The following SNTB2 variants were observed in gnomAD, a reference collection of about 807,000 sequenced individuals.
The protein encoded by SNTB2 is syntrophin beta 2.
Under a neutral mutation model 46.2 loss-of-function variants are expected in SNTB2, and 34 were observed. The ratio of observed to expected loss-of-function variants is 0.74; its 90% CI spans 0.56 to 0.98. The LOEUF is 0.98. Ranked by LOEUF, SNTB2 falls within the 50% of genes least tolerant of loss-of-function variation. The probability of loss-of-function intolerance (pLI) is 0.00; values close to 1 mark genes in which losing one functional copy is unlikely to be tolerated. For synonymous variants in SNTB2, 290 were observed against 312.6 expected, an observed-to-expected ratio of 0.93 and a Z score of 0.76; for missense variants, 603 against 731.4, an observed-to-expected ratio of 0.82 and a Z score of 2.02.
intron 3 of SNTB2, among the ~76,000 whole-genome samples, chr16:69,261,738 A>C (rs1324471845): frequency 1.3e-5 from 2 of 152,208 alleles, no homozygotes; most frequent in African/African-American, 4.8e-5. Flanking sequence ...CAAAATCCTC[A>C]TGATTTTAAA....
chr16:69,221,986 C>G (rs1964409950), intron 1 of SNTB2, among the ~76,000 whole-genome samples: 1 of 152,162 alleles, frequency 6.6e-6, no homozygotes, highest in African/African-American at 2.4e-5. Flanking sequence ...AAGCTTGAGT[C>G]TTTGTTGACA....
intron 2 of SNTB2, among the ~76,000 whole-genome samples, chr16:69,259,328 G>T (rs1597190037): frequency 7.1e-6 from 1 of 141,760 alleles, no homozygotes. Flanking sequence ...CACCTCCCTG[G>T]TTCAGGCAGT....
intron 1 of SNTB2, among the ~76,000 whole-genome samples, chr16:69,203,936 A>C (rs1159969954): frequency 6.6e-6 from 1 of 151,904 alleles, no homozygotes; most frequent in Non-Finnish European, 1.5e-5. Flanking sequence ...TCTGTCGCCC[A>C]GGCTGGAGCG....
Position 69,284,132 on chromosome 16 carries a change from C to T in SNTB2, c.1233C>T (p.Gly411=). ...CTACCAGGACAGGCTCTCGACAGGG[C>T]ATTGAGATGCATCTCTTCAGGGTGG... ...TFATRTGSRQ[G]IEMHLFRVET... is the part of the protein sequence containing the mutation. The change falls in exon 5 of 7, where the codon GGC becomes GGT. Residue 411 remains glycine, a synonymous_variant. Transcript: ENST00000336278. The T allele has an allele frequency of 6.2e-7, 1 of 1,614,016 alleles. No homozygotes were observed. The highest frequency in any genetic ancestry group is 8.5e-7 in the Non-Finnish European group (1 of 1,179,996).
Position 69,187,695 on chromosome 16 carries a change from G to C in SNTB2, c.529G>C (p.Asp177His). Reference protein sequence around the residue: ...NGTDLRQATHDQAVQALKRAG... With the variant: ...NGTDLRQATHHQAVQALKRAG... ...CACCGACCTGCGCCAGGCCACCCAC[G>C]ACCAGGCCGTGCAGGCGCTGAAGCG... The change falls in exon 1 of 7, where the codon GAC (aspartate) becomes CAC (histidine). Residue 177 changes from aspartate (D) to histidine (H), a missense_variant. This residue lies in a region of SNTB2 where 537 missense variants were observed against 692.4 expected (regional missense o/e 0.78). Coordinates refer to ENST00000336278, the MANE Select transcript of SNTB2 (RefSeq NM_006750.4). 1 of 1,369,328 alleles carries C rather than the reference G, an allele frequency of 7.3e-7. No individual in the cohort carries two copies. The allele number at this position is 1,369,328 out of a possible 1,614,324, so 84.8% of individuals were successfully genotyped here. A position where few individuals can be genotyped will look rare whatever the true frequency, so the allele number is the denominator to read the frequency against.
intron 1 of SNTB2, among the ~76,000 whole-genome samples, chr16:69,199,449 G>C (rs1597169260): frequency 6.6e-6 from 1 of 151,916 alleles, no homozygotes; most frequent in South Asian, 2.1e-4. Flanking sequence ...AGCGATGTTG[G>C]CCTGGCGCAG....
At chr16:69,213,640 C>T (rs1316221990) in intron 1 of SNTB2, among the ~76,000 whole-genome samples, 1 of 151,700 alleles carries the variant, frequency 6.6e-6, no homozygotes, top group Non-Finnish European at 1.5e-5. Context: ...GCTGGGAGTA[C>T]AGGCGCGTGC....
rs145208872 is a variant in SNTB2 at position 69,201,979 on chromosome 16, T to C, written c.580+14233T>C. On this transcript the variant is annotated intron_variant, in intron 1 of 6. Transcript: ENST00000336278. ...AGACCAGTGAAGCAACACAAGCTGA[T>C]AGGGCCCTGACTCATTCTCCTTGTT... Among the ~76,000 whole-genome samples the C allele has an allele frequency of 8.0e-3, 1,211 of 152,296 alleles. 12 individuals are homozygous for C. The highest frequency in any genetic ancestry group is 0.027 in the African/African-American group (1,106 of 41,564).
At chr16:69,220,512 T>A (rs1393021421) in intron 1 of SNTB2, among the ~76,000 whole-genome samples, 1 of 151,598 alleles carries the variant, frequency 6.6e-6, no homozygotes, top group Non-Finnish European at 1.5e-5. Flanking sequence ...ATCCACTCTT[T>A]AGGCGTACAG....
In SNTB2 at chr16:69,224,235, G is replaced by A. The variant is rs111601287; in HGVS notation, c.581-21367G>A. The stretch of plus-strand genomic sequence containing the variant: ...ATTTTTTTTTTTTTTTTTTTGAGAC[G>A]GAGTCTTGCCCTGTTGCCCAGGCTG... On this transcript the variant is annotated intron_variant, in intron 1 of 6. Transcript: ENST00000336278. Among the ~76,000 whole-genome samples, 718 of 120,012 alleles carry A rather than the reference G, an allele frequency of 6.0e-3. 1 individual carries two copies. The highest frequency in any genetic ancestry group is 0.012 in the Middle Eastern group (2 of 166). 78.7% of individuals were successfully genotyped at this position (120,012 alleles called of 152,430 possible).
intron 1 of SNTB2, among the ~76,000 whole-genome samples, chr16:69,239,934 C>T (rs1005857859): frequency 1.7e-4 from 26 of 152,246 alleles, no homozygotes; most frequent in African/African-American, 6.3e-4. Flanking sequence ...CTTTCAGATT[C>T]ATCCAAGTTA....
intron 1 of SNTB2, among the ~76,000 whole-genome samples, chr16:69,211,093 G>A (rs1964280819): frequency 6.6e-6 from 1 of 151,910 alleles, no homozygotes; most frequent in Non-Finnish European, 1.5e-5. Context: ...CCTCCCAAAA[G>A]TGTCCAATTT....
intron 4 of SNTB2, among the ~76,000 whole-genome samples, chr16:69,274,157 C>T (rs1964963730): frequency 6.6e-6 from 1 of 151,328 alleles, no homozygotes; most frequent in Non-Finnish European, 1.5e-5. Context: ...ACTAAAAATA[C>T]AAAAATTAGC....
chr16:69,276,612 G>T (rs1429104312), intron 4 of SNTB2, among the ~76,000 whole-genome samples: 3 of 152,136 alleles, frequency 2.0e-5, no homozygotes, highest in African/African-American at 4.8e-5. Context: ...TGGCATGTTG[G>T]TTTTTTGGGA....
chr16:69,212,541 G>C (rs952855732), intron 1 of SNTB2, among the ~76,000 whole-genome samples: 2 of 151,978 alleles, frequency 1.3e-5, no homozygotes, highest in African/African-American at 4.8e-5. Context: ...TTTTCACCAT[G>C]TTGGCCAGGA....
chr16:69,215,942 A>G (rs552717571), intron 1 of SNTB2, among the ~76,000 whole-genome samples: 1 of 152,280 alleles, frequency 6.6e-6, no homozygotes, highest in South Asian at 2.1e-4. Flanking sequence ...AGCTAGGACC[A>G]CCGGTATGCA....
intron 1 of SNTB2, among the ~76,000 whole-genome samples, chr16:69,242,459 A>C (rs890437701): frequency 3.9e-5 from 6 of 152,174 alleles, no homozygotes; most frequent in Admixed American, 2.6e-4. Flanking sequence ...ACAAGGTCTC[A>C]GAATAAGTTT....
chr16:69,205,441 G>A (rs957108558), intron 1 of SNTB2, among the ~76,000 whole-genome samples: 3 of 150,120 alleles, frequency 2.0e-5, no homozygotes, highest in Non-Finnish European at 4.4e-5. Context: ...CTTGTGATTC[G>A]CCCACCTCAG....
chr16:69,200,662 C>T (rs971302051), intron 1 of SNTB2, among the ~76,000 whole-genome samples: 6 of 152,034 alleles, frequency 3.9e-5, no homozygotes, highest in South Asian at 2.1e-4. Flanking sequence ...TGTTTTGTTT[C>T]GTTTATTTAT....
Sources: gnomAD v4.1 joint callset for allele counts (sites outside exome capture counted in the v4.1 genomes callset) on GRCh38, gnomAD v4.1.1 for gene constraint, gnomAD v4.1.1 regional missense constraint, MANE v1.5 for transcripts, NCBI Gene and HGNC (gene_info 2026-07-23, HGNC 2026-07-21) for gene names.